ATG16L1: variants seen among roughly 807,000 people sequenced by gnomAD.
ATG16L1 encodes autophagy related 16 like 1.
In ATG16L1, 37 loss-of-function variants were observed where a neutral mutation model predicts 88.5. The ratio of observed to expected loss-of-function variants is 0.42; its 90% confidence interval spans 0.32 to 0.55. The LOEUF is 0.55. Among genes scored for constraint, ATG16L1 ranks in the 20% least tolerant of loss-of-function variants. ATG16L1 has a pLI of 0.13. For missense variants in ATG16L1, 554 were observed against 752.8 expected (o/e 0.74, Z 3.09); for synonymous variants, 301 against 281.0 (o/e 1.07, Z -0.71).
chr2:233,253,772 A>G (rs115824149), intron 1 of ATG16L1, among the ~76,000 whole-genome samples: 2,189 of 152,310 alleles, frequency 0.014, 47 homozygotes, highest in African/African-American at 0.05. Flanking sequence ...AAGAAAGAGG[A>G]TGCTTTGCTG....
intron 5 of ATG16L1, chr2:233,266,198 G>GGGAGGC (rs138169752): frequency 0.054 from 8,215 of 151,218 alleles, 259 homozygotes; most frequent in Admixed American, 0.08. Flanking sequence ...CCAGCACTTT[G>GGGAGGC]GGAGGCGGAG....
intron 12 of ATG16L1, chr2:233,288,697 G>A (rs1221462341): frequency 2.0e-6 from 1 of 508,256 alleles, no homozygotes; most frequent in South Asian, 1.4e-5. Flanking sequence ...AATGGTAAAA[G>A]GTCTGAGTCC....
intron 6 of ATG16L1, among the ~76,000 whole-genome samples, chr2:233,271,046 C>G (rs1697958345): frequency 1.3e-5 from 2 of 152,134 alleles, no homozygotes; most frequent in Admixed American, 1.3e-4. Flanking sequence ...TGTCTGCACT[C>G]TCAGATGTGG....
chr2:233,274,344 T>G (rs938102367), intron 8 of ATG16L1: 1 of 467,568 alleles, frequency 2.1e-6, no homozygotes. Flanking sequence ...AAGAGCTACC[T>G]CTGAGCTAGC....
At chr2:233,273,958 C>T (rs542604072) in intron 8 of ATG16L1, 181 bp downstream of exon 8, 49 of 1,549,294 alleles carry the variant, frequency 3.2e-5, no homozygotes, top group East Asian at 2.2e-4. Flanking sequence ...CTCTTAATCT[C>T]GCTGCGTGCT....
intron 9 of ATG16L1, among the ~76,000 whole-genome samples, chr2:233,275,145 G>C (rs1464306907): frequency 6.6e-6 from 1 of 152,208 alleles, no homozygotes; most frequent in African/African-American, 2.4e-5. Context: ...TGGAAGTTCA[G>C]TAGGACAGCT....
intron 8 of ATG16L1, chr2:233,274,339 C>T (rs950648071): frequency 1.5e-5 from 7 of 469,340 alleles, no homozygotes; most frequent in African/African-American, 1.4e-4. Flanking sequence ...GACCAAAGAG[C>T]TACCTCTGAG....
chr2:233,280,079 G>GT (rs1461372302), intron 10 of ATG16L1, among the ~76,000 whole-genome samples: 46 of 152,300 alleles, frequency 3.0e-4, no homozygotes, highest in African/African-American at 1.1e-3. Context: ...TTGCAAGTGA[G>GT]TTCAGAGGAG....
chr2:233,273,569 C>T, intron 7 of ATG16L1, 152 bp from the exon 8 acceptor site: 1 of 632,566 alleles, frequency 1.6e-6, no homozygotes, highest in Non-Finnish European at 2.7e-6. Context: ...TGTTTTCTGG[C>T]AGTTTGGTAC....
rs570754048 is a variant in ATG16L1, at chr2:233,251,707, T to C, written c.-121T>C. Reference sequence around the variant, plus strand: ...CGGATGGCCTCGGGGACTGCCAGTGTGTGGAGGTGAGCTCCGGGATTGCCG... The same window carrying C: ...CGGATGGCCTCGGGGACTGCCAGTGCGTGGAGGTGAGCTCCGGGATTGCCG... On this transcript the variant is annotated 5_prime_UTR_variant, in exon 1 of 18. Transcript: ENST00000392017. 3.5e-6 allele frequency: 3 copies of C among 855,860 alleles called. No homozygotes were observed. The Admixed American group carries it at 6.2e-5, about 18-fold the overall frequency. 53.0% of individuals were successfully genotyped at this position (855,860 alleles called of 1,614,324 possible).
chr2:233,264,097 G>A (rs371852630), intron 4 of ATG16L1, 32 bp downstream of exon 4: 1 of 1,610,218 alleles, frequency 6.2e-7, no homozygotes, highest in Non-Finnish European at 8.5e-7. Flanking sequence ...TTGGAGCCTG[G>A]TCATTGGGTC....
At chr2:233,277,770 C>A in intron 10 of ATG16L1, 97 bp downstream of exon 10, 1 of 1,022,092 alleles carries the variant, frequency 9.8e-7, no homozygotes, top group Non-Finnish European at 1.5e-6. Context: ...GTTGACCTTG[C>A]TTTCAGGCAC....
intron 11 of ATG16L1, among the ~76,000 whole-genome samples, chr2:233,282,030 T>C (rs1698750998): frequency 6.6e-6 from 1 of 152,184 alleles, no homozygotes; most frequent in South Asian, 2.1e-4. Flanking sequence ...TTGAATTTAA[T>C]TGGGGAATGA....
intron 10 of ATG16L1, among the ~76,000 whole-genome samples, chr2:233,278,465 G>A (rs571718017): frequency 2.0e-5 from 3 of 152,332 alleles, no homozygotes; most frequent in East Asian, 1.9e-4. Context: ...TAGCTCCAAA[G>A]TGATTTTGTC....
At chr2:233,288,795 G>A (rs1402228170) in intron 12 of ATG16L1, 1 of 519,108 alleles carries the variant, frequency 1.9e-6, no homozygotes, top group African/African-American at 1.9e-5. Flanking sequence ...AAGGGCAGCT[G>A]ACACTCCGTG....
intron 5 of ATG16L1, among the ~76,000 whole-genome samples, chr2:233,266,824 TA>T (rs1184517579): frequency 6.6e-6 from 1 of 152,230 alleles, no homozygotes; most frequent in Non-Finnish European, 1.5e-5. Context: ...TCATGTTATT[TA>T]CAACCACTTG....
chr2:233,264,808 G>A, intron 4 of ATG16L1, 84 bp from the exon 5 acceptor site: 3 of 1,548,426 alleles, frequency 1.9e-6, no homozygotes, highest in Non-Finnish European at 2.6e-6. Flanking sequence ...CAGACACAAA[G>A]TGTTAAGCAC....
chr2:233,281,476 C>T (rs1349411692), intron 11 of ATG16L1, among the ~76,000 whole-genome samples: 1 of 151,976 alleles, frequency 6.6e-6, no homozygotes, highest in Admixed American at 6.6e-5. Flanking sequence ...TGGTCTCTAC[C>T]CTCCGAGATT....
chr2:233,290,717 C>A (rs1574906625), intron 14 of ATG16L1, among the ~76,000 whole-genome samples: 1 of 152,140 alleles, frequency 6.6e-6, no homozygotes, highest in East Asian at 1.9e-4. Flanking sequence ...TAAAGAATGC[C>A]TCTCCAGATT....
Sources: allele counts gnomAD v4.1 joint callset (sites outside exome capture counted in the v4.1 genomes callset), GRCh38; gene constraint gnomAD v4.1.1; transcripts MANE v1.5; gene names NCBI Gene and HGNC (gene_info 2026-07-23, HGNC 2026-07-21).